Variants in MRPS11 observed in about 807,000 individuals in gnomAD.
MRPS11 encodes the protein mitochondrial ribosomal protein S11, also known as small ribosomal subunit protein uS11m.
A neutral mutation model predicts 24.3 loss-of-function variants in MRPS11; 27 were observed. The observed-to-expected ratio is 1.11, with a 90% CI of 0.82 to 1.53. The LOEUF (loss-of-function observed/expected upper bound fraction) is 1.53, where lower values mean the gene tolerates loss of function less well. Among genes scored for constraint, MRPS11 ranks in the 40% most tolerant of loss-of-function variants. The pLI is 0.00. For missense variants in MRPS11, 277 were observed against 256.5 expected (o/e 1.08, Z -0.55); for synonymous variants, 104 against 98.7 (o/e 1.05, Z -0.32).
chr15:88,467,756 G>A lies in MRPS11; in HGVS notation c.39G>A (p.Arg13=), dbSNP rs757648343. ...GAAACGCGGGGTCGCGGTTCCTGCG[G>A]TCCTGGACTTGGCCCCAGACAGCCG... is the stretch of plus-strand genomic sequence containing the variant. ...AVRNAGSRFL[R]SWTWPQTAGR... is the part of the protein sequence containing the mutation. Residue 13 remains arginine, a synonymous_variant, in exon 1 of 6, where the codon CGG becomes CGA. Transcript: ENST00000325844. The A allele has an allele frequency of 3.7e-6, 6 of 1,613,942 alleles. No homozygotes were observed. In the South Asian group the frequency reaches 6.6e-5, roughly 18 times the overall value.
chr15:88,480,727 A>G lies in MRPS11; in HGVS notation c.*2748A>G, dbSNP rs184805497. 3 of 152,172 alleles carry G rather than the reference A, an allele frequency of 2.0e-5. No individual in the cohort carries two copies. Among genetic ancestry groups the G allele is most frequent in the Admixed American group, 2.0e-4 (3 of 15,294 alleles). The allele number at this position is 152,172 out of a possible 1,614,324, so 9.4% of individuals were successfully genotyped here. Reference sequence around the variant, plus strand: ...GCTTTATCGTGAGCTCTCGGTGCACAGTGTGGTTTCCAGGCTCTGAGTGGC... The same window carrying G: ...GCTTTATCGTGAGCTCTCGGTGCACGGTGTGGTTTCCAGGCTCTGAGTGGC... On this transcript the variant is annotated 3_prime_UTR_variant, in exon 6 of 6. Transcript: ENST00000325844. The surrounding 1 kb of genome is among the most constrained non-coding windows in gnomAD (Gnocchi z 5.1).
chr15:88,474,882 G>A (rs1396335961), intron 3 of MRPS11: 27 of 455,770 alleles, frequency 5.9e-5, no homozygotes, highest in East Asian at 2.7e-4. Flanking sequence ...ATTATGGAGC[G>A]CTCTTTAAAT....
intron 4 of MRPS11, 137 bp from the exon 5 acceptor site, chr15:88,476,852 T>C: frequency 1.3e-6 from 1 of 773,852 alleles, no homozygotes; most frequent in South Asian, 1.7e-5. Context: ...TATAGCCATC[T>C]GCCCTTTGCC....
In MRPS11 at chr15:88,475,316, C is replaced by T; in HGVS notation, c.411+77C>T. On this transcript the variant is annotated intron_variant, in intron 4 of 5. Transcript: ENST00000325844. This position sits in a 1 kb window ranked among gnomAD's most constrained non-coding sequence, Gnocchi z 4.1. ...GGCTCATCACTGAGTGGAGAATCCT[C>T]ATTATACTACCCATTCAGAAGCAAG... 3 of 1,582,292 alleles carry T rather than the reference C, an allele frequency of 1.9e-6. No individual in the cohort carries two copies. The highest frequency in any genetic ancestry group is 2.2e-5 in the East Asian group (1 of 44,564).
chr15:88,472,838 T>G, intron 3 of MRPS11, 113 bp downstream of exon 3: 1 of 779,616 alleles, frequency 1.3e-6, no homozygotes. Context: ...TGCTAAGTGC[T>G]GCATGATGGC....
chr15:88,477,844 A>G lies in MRPS11; in HGVS notation c.478-28A>G. 1 of 1,596,118 alleles carries G rather than the reference A, an allele frequency of 6.3e-7. No individual in the cohort carries two copies. The highest frequency in any genetic ancestry group is 8.6e-7 in the Non-Finnish European group (1 of 1,163,962). On this transcript the variant is annotated intron_variant, in intron 5 of 5. Transcript: ENST00000325844. This position sits in a 1 kb window ranked among gnomAD's most constrained non-coding sequence, Gnocchi z 5.7. ...GGATCATCATTTCTGGGACCATGTCATTCTACTTTTCCTTCTGTTCCTTCC... is the reference window on the plus strand; with the variant it reads ...GGATCATCATTTCTGGGACCATGTCGTTCTACTTTTCCTTCTGTTCCTTCC...
At chr15:88,470,776 A>G (rs1598291327) in intron 2 of MRPS11, among the ~76,000 whole-genome samples, 1 of 152,258 alleles carries the variant, frequency 6.6e-6, no homozygotes, top group African/African-American at 2.4e-5. Context: ...GGATAGGAAG[A>G]AACAGCAAGT....
At chr15:88,474,996 G>A (rs2055790579) in intron 3 of MRPS11, 114 bp from the exon 4 acceptor site, 1 of 1,246,792 alleles carries the variant, frequency 8.0e-7, no homozygotes, top group African/African-American at 1.5e-5. Context: ...GCTCAAAGTA[G>A]AAGCAACTGA....
chr15:88,468,578 A>G, intron 2 of MRPS11: 1 of 897,102 alleles, frequency 1.1e-6, no homozygotes, highest in Non-Finnish European at 1.3e-6. Flanking sequence ...AGGTGCCGTG[A>G]ATACAGATAC....
At chr15:88,470,362 T>C (rs569346983) in intron 2 of MRPS11, among the ~76,000 whole-genome samples, 1 of 152,170 alleles carries the variant, frequency 6.6e-6, no homozygotes, top group Non-Finnish European at 1.5e-5. Context: ...CTTCAGACTT[T>C]AGCTAGAGAT....
At chr15:88,476,146 T>C (rs897882951) in intron 4 of MRPS11, among the ~76,000 whole-genome samples, 22 of 152,182 alleles carry the variant, frequency 1.4e-4, no homozygotes, top group Admixed American at 1.2e-3. Flanking sequence ...CATCTACATG[T>C]GCCAGACACT....
chr15:88,475,833 T>A lies in MRPS11; in HGVS notation c.411+594T>A, dbSNP rs1023597405. Among the ~76,000 whole-genome samples the A allele has an allele frequency of 6.6e-6, 1 of 152,102 alleles. No homozygotes were observed. The highest frequency in any genetic ancestry group is 2.4e-5 in the African/African-American group (1 of 41,398). Reference sequence around the variant, plus strand: ...TTAGCTGGGCGTGGTGGTGCGCGCCTGTAGTCCCAGGTACTCGGGAGGCTG... The same window carrying A: ...TTAGCTGGGCGTGGTGGTGCGCGCCAGTAGTCCCAGGTACTCGGGAGGCTG... On this transcript the variant is annotated intron_variant, in intron 4 of 5. Coordinates refer to ENST00000325844, the MANE Select transcript of MRPS11 (RefSeq NM_022839.5). The surrounding 1 kb of genome is among the most constrained non-coding windows in gnomAD (Gnocchi z 4.1).
In MRPS11 at chr15:88,475,255, T is replaced by A; in HGVS notation, c.411+16T>A. Reference sequence around the variant, plus strand: ...CGCAGCGGCGGTAAGTGTGTGTTCCTTCTGCTTCCTTCTAGTGTGTGTTTG... The same window carrying A: ...CGCAGCGGCGGTAAGTGTGTGTTCCATCTGCTTCCTTCTAGTGTGTGTTTG... On this transcript the variant is annotated intron_variant, in intron 4 of 5. Transcript: ENST00000325844. The surrounding 1 kb of genome is among the most constrained non-coding windows in gnomAD (Gnocchi z 4.1). 6.2e-7 allele frequency: 1 copy of A among 1,613,960 alleles called. No individual in the cohort carries two copies.
At position 88,477,818 on chromosome 15, in the gene MRPS11, T is replaced by C; in HGVS notation, c.478-54T>C. ...CTCTCCGAACCCTGCCTGGAGACACTGGATCATCATTTCTGGGACCATGTC... is the reference window on the plus strand; with the variant it reads ...CTCTCCGAACCCTGCCTGGAGACACCGGATCATCATTTCTGGGACCATGTC... On this transcript the variant is annotated intron_variant, in intron 5 of 5. Coordinates refer to ENST00000325844, the MANE Select transcript of MRPS11 (RefSeq NM_022839.5). This position sits in a 1 kb window ranked among gnomAD's most constrained non-coding sequence, Gnocchi z 5.7. 6.5e-7 allele frequency: 1 copy of C among 1,530,894 alleles called. No individual in the cohort carries two copies. The highest frequency in any genetic ancestry group is 1.4e-5 in the African/African-American group (1 of 73,200). 94.8% of individuals were successfully genotyped at this position (1,530,894 alleles called of 1,614,324 possible).
rs1336892929 is a variant in MRPS11 at position 88,469,430 on chromosome 15, T to G, written c.182+1406T>G. 6.6e-6 allele frequency among the ~76,000 whole-genome samples: 1 copy of G among 152,186 alleles called. No individual in the cohort carries two copies. The highest frequency in any genetic ancestry group is 2.4e-5 in the African/African-American group (1 of 41,434). ...ACAAAAAGCCCTGCCCTCATAGAACTTAAATTCCAGTGGGTAGAAGACAGT... is the reference window on the plus strand; with the variant it reads ...ACAAAAAGCCCTGCCCTCATAGAACGTAAATTCCAGTGGGTAGAAGACAGT... On this transcript the variant is annotated intron_variant, in intron 2 of 5. Transcript: ENST00000325844. This position sits in a 1 kb window ranked among gnomAD's most constrained non-coding sequence, Gnocchi z 4.4.
chr15:88,472,592 GACA>G lies in MRPS11; in HGVS notation c.183-33_183-31del, dbSNP rs147841351. 5.0e-3 allele frequency: 7,723 copies of G among 1,555,016 alleles called. 37 individuals are homozygous for G. Among genetic ancestry groups the G allele is most frequent in the Non-Finnish European group, 5.3e-3 (5,960 of 1,129,348 alleles). On this transcript the variant is annotated intron_variant, in intron 2 of 5. Coordinates refer to ENST00000325844, the MANE Select transcript of MRPS11 (RefSeq NM_022839.5). ...ATTTCTTTGATTTTTAAAAAGTCGA[GACA>G]ATTTTAAATAAAATCTTTCTTCTAA...
Position 88,475,341 on chromosome 15 carries a change from G to C in MRPS11, c.411+102G>C, listed in dbSNP as rs1189803730. The C allele has an allele frequency of 6.6e-7, 1 of 1,521,558 alleles. No homozygotes were observed. Among genetic ancestry groups the C allele is most frequent in the East Asian group, 2.3e-5 (1 of 43,990 alleles). The allele number at this position is 1,521,558 out of a possible 1,614,324, so 94.3% of individuals were successfully genotyped here. The stretch of plus-strand genomic sequence containing the variant: ...CATTATACTACCCATTCAGAAGCAA[G>C]GGTTTGTCATGGCAGCTTTGATGCC... On this transcript the variant is annotated intron_variant, in intron 4 of 5. Transcript: ENST00000325844. This position sits in a 1 kb window ranked among gnomAD's most constrained non-coding sequence, Gnocchi z 4.1.
In MRPS11 at chr15:88,469,697, T is replaced by A. The variant is rs117864826; in HGVS notation, c.182+1673T>A. ...ATATTAAACCATTGGAGAGCAAGAA[T>A]GGAAGCTGGGAAAAGTCCTCTAAGC... On this transcript the variant is annotated intron_variant, in intron 2 of 5. Coordinates refer to ENST00000325844, the MANE Select transcript of MRPS11 (RefSeq NM_022839.5). This position sits in a 1 kb window ranked among gnomAD's most constrained non-coding sequence, Gnocchi z 4.4. Among the ~76,000 whole-genome samples, 1 of 152,284 alleles carries A rather than the reference T, an allele frequency of 6.6e-6. No individual in the cohort carries two copies. The highest frequency in any genetic ancestry group is 1.5e-5 in the Non-Finnish European group (1 of 68,026).
intron 3 of MRPS11, chr15:88,474,894 A>T: frequency 2.0e-6 from 1 of 498,004 alleles, no homozygotes; most frequent in Non-Finnish European, 3.5e-6. Context: ...TCTTTAAATT[A>T]TGTGACTTAC....
Sources: allele counts gnomAD v4.1 joint callset (sites outside exome capture counted in the v4.1 genomes callset), GRCh38; gene constraint gnomAD v4.1.1; non-coding constraint Gnocchi (gnomAD v3.1); transcripts MANE v1.5; gene names NCBI Gene and HGNC (gene_info 2026-07-23, HGNC 2026-07-21).